The following SEMA5B variants were observed in gnomAD, a reference collection of about 807,000 sequenced individuals.
SEMA5B encodes the protein semaphorin-5B.
Under a neutral mutation model 135.0 loss-of-function variants are expected in SEMA5B, and 66 were observed. That is an observed-to-expected ratio of 0.49 (90% CI 0.40 to 0.60). SEMA5B has a LOEUF of 0.60. Among genes scored for constraint, SEMA5B ranks in the 20% least tolerant of loss-of-function variants. The probability of loss-of-function intolerance (pLI) is 0.00; values close to 1 mark genes in which losing one functional copy is unlikely to be tolerated. For missense variants in SEMA5B, 1,501 were observed against 1,566.3 expected (o/e 0.96, Z 0.70); for synonymous variants, 690 against 639.5 (o/e 1.08, Z -1.19).
At chr3:122,991,230 C>G (rs1235093470) in intron 1 of SEMA5B, among the ~76,000 whole-genome samples, 1 of 152,112 alleles carries the variant, frequency 6.6e-6, no homozygotes, top group African/African-American at 2.4e-5. Context: ...TGGGTGAGAA[C>G]GTGAGCAAGA....
chr3:122,979,001 C>T (rs1287226457), intron 1 of SEMA5B, among the ~76,000 whole-genome samples: 1 of 152,146 alleles, frequency 6.6e-6, no homozygotes. Flanking sequence ...TGTGAGCCAT[C>T]GCACAGTGGC....
rs1411080962 is a variant in SEMA5B at position 122,933,425 on chromosome 3, A to G, written c.475-4367T>C. 2.6e-5 allele frequency among the ~76,000 whole-genome samples: 4 copies of G among 152,226 alleles called. No individual in the cohort carries two copies. In the East Asian group the frequency reaches 5.8e-4, roughly 22 times the overall value. Reference sequence around the variant, plus strand: ...TTGTCTTCTAGGTTCCAGCATTGCTATTGAGGACTCTGATGACATTTTCTT... The same window carrying G: ...TTGTCTTCTAGGTTCCAGCATTGCTGTTGAGGACTCTGATGACATTTTCTT... On this transcript the variant is annotated intron_variant, in intron 5 of 22. Coordinates refer to ENST00000357599, the MANE Select transcript of SEMA5B (RefSeq NM_001031702.4).
intron 2 of SEMA5B, among the ~76,000 whole-genome samples, chr3:122,952,715 C>T (rs905521674): frequency 2.0e-5 from 3 of 152,162 alleles, no homozygotes; most frequent in Non-Finnish European, 2.9e-5. Context: ...TTTGCCCTGG[C>T]TCTCCTCCTC....
intron 1 of SEMA5B, among the ~76,000 whole-genome samples, chr3:122,981,916 G>A (rs1941532550): frequency 6.6e-6 from 1 of 152,214 alleles, no homozygotes; most frequent in Admixed American, 6.5e-5. Context: ...ATAATTCCAA[G>A]TGCTTTGCGT....
At chr3:123,009,616 C>A (rs1203980494) in intron 1 of SEMA5B, among the ~76,000 whole-genome samples, 1 of 152,172 alleles carries the variant, frequency 6.6e-6, no homozygotes, top group Non-Finnish European at 1.5e-5. Flanking sequence ...CCACACAGCA[C>A]CCAGCCAGTG....
Position 122,943,418 on chromosome 3 carries a change from C to T in SEMA5B, c.428+18G>A. ...AAGCCCCTGCACTTCCCACCCCGAC[C>T]CTTCTGCCCCTTGTTACCTGGCTCC... On this transcript the variant is annotated intron_variant, in intron 4 of 22. Coordinates refer to ENST00000357599, the MANE Select transcript of SEMA5B (RefSeq NM_001031702.4). 1 of 1,558,724 alleles carries T rather than the reference C, an allele frequency of 6.4e-7. No homozygotes were observed. Among genetic ancestry groups the T allele is most frequent in the Non-Finnish European group, 8.8e-7 (1 of 1,141,338 alleles).
intron 1 of SEMA5B, among the ~76,000 whole-genome samples, chr3:122,990,881 C>T (rs1941853305): frequency 6.6e-6 from 1 of 152,232 alleles, no homozygotes; most frequent in Admixed American, 6.5e-5. Context: ...ATGTCTGTCT[C>T]ACTCAACAGC....
chr3:123,007,171 G>A (rs1942335868), intron 1 of SEMA5B, among the ~76,000 whole-genome samples: 2 of 152,232 alleles, frequency 1.3e-5, no homozygotes, highest in South Asian at 4.2e-4. Flanking sequence ...CACGGGTCTT[G>A]CTCTTGCCCC....
chr3:122,910,260 G>A lies in SEMA5B; in HGVS notation c.3339C>T (p.Asn1113=), dbSNP rs1433735094. ...CATTGGTCTGCTGCAATGGGTAGAAGTTGGCTCTGTCATCAGGGATCAAGT... is the reference window on the plus strand; with the variant it reads ...CATTGGTCTGCTGCAATGGGTAGAAATTGGCTCTGTCATCAGGGATCAAGT... ...KNNLIPDDRA[N]FYPLQQTNVY... Residue 1113 remains asparagine, a synonymous_variant, in exon 23 of 23, where the codon AAC becomes AAT. Transcript: ENST00000357599. 2 of 1,614,084 alleles carry A rather than the reference G, an allele frequency of 1.2e-6. No homozygotes were observed. The highest frequency in any genetic ancestry group is 1.7e-6 in the Non-Finnish European group (2 of 1,180,032).
At chr3:123,022,252 G>A (rs1942699975) in intron 1 of SEMA5B, among the ~76,000 whole-genome samples, 1 of 152,162 alleles carries the variant, frequency 6.6e-6, no homozygotes, top group African/African-American at 2.4e-5. Flanking sequence ...GGGACTGGCA[G>A]GACAGATGGT....
intron 8 of SEMA5B, 34 bp from the exon 9 acceptor site, chr3:122,926,711 A>G: frequency 1.3e-6 from 2 of 1,597,422 alleles, no homozygotes; most frequent in Non-Finnish European, 1.7e-6. Context: ...GGGGCAGGGC[A>G]GGCCAGCGGG....
At chr3:123,004,470 G>T (rs946378602) in intron 1 of SEMA5B, among the ~76,000 whole-genome samples, 1 of 152,148 alleles carries the variant, frequency 6.6e-6, no homozygotes, top group Non-Finnish European at 1.5e-5. Context: ...CCAAGAAAAG[G>T]TTACATTTAT....
intron 1 of SEMA5B, among the ~76,000 whole-genome samples, chr3:122,994,451 G>A (rs1941975317): frequency 2.0e-5 from 3 of 152,226 alleles, no homozygotes; most frequent in African/African-American, 7.2e-5. Context: ...TTCTTGGCCT[G>A]TGAAAGTGGG....
At chr3:122,939,286 C>A in intron 5 of SEMA5B, 139 bp downstream of exon 5, 1 of 701,126 alleles carries the variant, frequency 1.4e-6, no homozygotes, top group South Asian at 1.7e-5. Context: ...GGGTCTGAGT[C>A]CATGGCCAGT....
intron 1 of SEMA5B, among the ~76,000 whole-genome samples, chr3:122,974,744 A>G (rs1560394333): frequency 6.6e-6 from 1 of 152,216 alleles, no homozygotes; most frequent in Admixed American, 6.5e-5. Flanking sequence ...GGAGACAGAA[A>G]GATGGTCAAG....
chr3:122,988,102 A>T (rs1398482649), intron 1 of SEMA5B, among the ~76,000 whole-genome samples: 3 of 152,254 alleles, frequency 2.0e-5, no homozygotes, highest in African/African-American at 7.2e-5. Flanking sequence ...CCAGCCACAG[A>T]GATCCTGATT....
chr3:122,970,180 A>G (rs1045570739), intron 1 of SEMA5B, among the ~76,000 whole-genome samples: 2 of 152,236 alleles, frequency 1.3e-5, no homozygotes, highest in African/African-American at 4.8e-5. Context: ...GGAATGGCAG[A>G]GCCAGGACTG....
intron 1 of SEMA5B, among the ~76,000 whole-genome samples, chr3:123,002,719 G>C (rs1942210371): frequency 6.6e-6 from 1 of 152,200 alleles, no homozygotes; most frequent in South Asian, 2.1e-4. Flanking sequence ...TGGGACACTT[G>C]TTTAGGAGAA....
At chr3:122,957,240 C>G (rs1940364869) in intron 2 of SEMA5B, among the ~76,000 whole-genome samples, 1 of 152,200 alleles carries the variant, frequency 6.6e-6, no homozygotes, top group Admixed American at 6.5e-5. Flanking sequence ...AGCAAGGGGA[C>G]AGGTGGATTA....
Sources: allele counts gnomAD v4.1 joint callset (sites outside exome capture counted in the v4.1 genomes callset), GRCh38; gene constraint gnomAD v4.1.1; transcripts MANE v1.5; gene names NCBI Gene and HGNC (gene_info 2026-07-23, HGNC 2026-07-21).